Variants in CXADR observed in about 807,000 individuals in gnomAD.
CXADR encodes the protein coxsackievirus and adenovirus receptor.
Under a neutral mutation model 40.3 loss-of-function variants are expected in CXADR, and 20 were observed. The ratio of observed to expected loss-of-function variants is 0.50; its 90% confidence interval spans 0.35 to 0.72. CXADR has a LOEUF of 0.72. Ranked by LOEUF, CXADR falls within the 30% of genes least tolerant of loss-of-function variation. CXADR has a pLI of 0.01. For missense variants in CXADR, 332 were observed against 449.1 expected, an observed-to-expected ratio of 0.74 and a Z score of 2.36; for synonymous variants, 150 against 161.3, an observed-to-expected ratio of 0.93 and a Z score of 0.53.
intron 6 of CXADR, among the ~76,000 whole-genome samples, chr21:17,563,242 G>A (rs540577395): frequency 1.3e-5 from 2 of 152,076 alleles, no homozygotes; most frequent in East Asian, 1.9e-4. Context: ...AGCTAGGATC[G>A]CACCACTGCA....
the CXADR span, among the ~76,000 whole-genome samples, chr21:17,635,646 C>G: frequency 6.6e-6 from 1 of 152,168 alleles, no homozygotes; most frequent in African/African-American, 2.4e-5. Flanking sequence ...TTTCTTCTAG[C>G]CTTTTATCCA....
chr21:17,580,361 A>G (rs972212946), intron 7 of CXADR, among the ~76,000 whole-genome samples: 2 of 152,180 alleles, frequency 1.3e-5, no homozygotes, highest in African/African-American at 4.8e-5. Context: ...GCTAACACCT[A>G]TAATCCCGGC....
chr21:17,580,729 A>AT (rs968476969), intron 7 of CXADR, among the ~76,000 whole-genome samples: 3 of 152,132 alleles, frequency 2.0e-5, no homozygotes, highest in East Asian at 1.9e-4. Context: ...ATATACATGT[A>AT]TTTTTTAAAA....
In CXADR at chr21:17,545,613, G is replaced by T. The variant is rs140855889; in HGVS notation, c.44-1414G>T. 9.9e-5 allele frequency among the ~76,000 whole-genome samples: 15 copies of T among 151,718 alleles called. No homozygotes were observed. The East Asian group carries it at 2.9e-3, about 30-fold the overall frequency. On this transcript the variant is annotated intron_variant, in intron 1 of 6. Coordinates refer to ENST00000284878, the MANE Select transcript of CXADR (RefSeq NM_001338.5). The stretch of plus-strand genomic sequence containing the variant: ...AGCTAGGCTAACTTTTGTATTTTTG[G>T]TAAAGATGGGGTTTCACCATGTTGG...
At chr21:17,541,821 A>T (rs2060833454) in intron 1 of CXADR, among the ~76,000 whole-genome samples, 1 of 152,198 alleles carries the variant, frequency 6.6e-6, no homozygotes, top group South Asian at 2.1e-4. Flanking sequence ...CAGGAGGTAC[A>T]TAATGTCCAT....
At chr21:17,584,572 CTG>C (rs1384222373) in intron 7 of CXADR, among the ~76,000 whole-genome samples, 1 of 152,224 alleles carries the variant, frequency 6.6e-6, no homozygotes. Flanking sequence ...TGGCTCACGT[CTG>C]TAGTCCCAGC....
chr21:17,564,743 C>A (rs1284969017), intron 6 of CXADR, among the ~76,000 whole-genome samples: 1 of 151,856 alleles, frequency 6.6e-6, no homozygotes, highest in Non-Finnish European at 1.5e-5. Context: ...TTATTTATTT[C>A]TCTTTTTTTG....
intron 2 of CXADR, among the ~76,000 whole-genome samples, chr21:17,550,216 T>C (rs8132520): frequency 0.051 from 7,815 of 152,018 alleles, 653 homozygotes; most frequent in African/African-American, 0.18. Context: ...TTAGCAGACG[T>C]GGTGGTGGGC....
the CXADR span, among the ~76,000 whole-genome samples, chr21:17,602,603 A>G: frequency 1.3e-5 from 2 of 152,106 alleles, no homozygotes; most frequent in Non-Finnish European, 2.9e-5. Flanking sequence ...AACACCTGAC[A>G]CTCGCAGGTG....
chr21:17,525,455 A>C (rs2060587462), intron 1 of CXADR, among the ~76,000 whole-genome samples: 1 of 152,206 alleles, frequency 6.6e-6, no homozygotes, highest in Admixed American at 6.5e-5. Context: ...CATACAATGA[A>C]CTAAATGTGT....
chr21:17,609,803 C>T, the CXADR span, among the ~76,000 whole-genome samples: 5 of 152,170 alleles, frequency 3.3e-5, no homozygotes, highest in South Asian at 2.1e-4. Context: ...GTTATACACA[C>T]GTATGGAATA....
chr21:17,530,477 T>C, intron 1 of CXADR: 1 of 451,058 alleles, frequency 2.2e-6, no homozygotes, highest in South Asian at 1.6e-5. Context: ...TTATTTATTC[T>C]ACTGATGGAC....
chr21:17,575,466 C>T (rs1186222023), intron 7 of CXADR, among the ~76,000 whole-genome samples: 2 of 150,342 alleles, frequency 1.3e-5, no homozygotes, highest in Non-Finnish European at 2.9e-5. Flanking sequence ...CAGGTGTGAG[C>T]CACCATGCCT....
chr21:17,549,335 C>T (rs1161428102), intron 2 of CXADR, among the ~76,000 whole-genome samples: 2 of 152,168 alleles, frequency 1.3e-5, no homozygotes, highest in Admixed American at 6.5e-5. Context: ...GTTTCATAAA[C>T]CTGTTTCCTC....
At chr21:17,598,640 C>T in the CXADR span, 1 of 1,613,998 alleles carries the variant, frequency 6.2e-7, no homozygotes, top group African/African-American at 1.3e-5. Context: ...CTTGCGGCTG[C>T]AGTCACCGAA....
At chr21:17,580,824 C>T (rs1055644641) in intron 7 of CXADR, among the ~76,000 whole-genome samples, 4 of 152,118 alleles carry the variant, frequency 2.6e-5, no homozygotes, top group South Asian at 2.1e-4. Context: ...GATCATGGCT[C>T]ACTGCAGCCT....
intron 7 of CXADR, chr21:17,593,140 T>C: frequency 7.1e-7 from 1 of 1,410,544 alleles, no homozygotes; most frequent in Non-Finnish European, 9.3e-7. Flanking sequence ...ATCTCTTTTT[T>C]TCTTTTTGTA....
At chr21:17,553,614 C>CTT (rs10710377) in intron 3 of CXADR, among the ~76,000 whole-genome samples, 37 of 128,292 alleles carry the variant, frequency 2.9e-4, no homozygotes, top group African/African-American at 9.6e-4. Flanking sequence ...GGTCCGAATT[C>CTT]TTTTTTTTTT....
the CXADR span, chr21:17,603,996 C>A: frequency 9.9e-6 from 5 of 505,672 alleles, no homozygotes; most frequent in Admixed American, 2.3e-4. Context: ...ACTGAGAGTG[C>A]CTGGTCCACA....
Sources: allele counts gnomAD v4.1 joint callset (sites outside exome capture counted in the v4.1 genomes callset), GRCh38; gene constraint gnomAD v4.1.1; transcripts MANE v1.5; gene names NCBI Gene and HGNC (gene_info 2026-07-23, HGNC 2026-07-21).